Variants in GRIK4 observed in about 807,000 individuals in gnomAD.
GRIK4 encodes glutamate ionotropic receptor kainate type subunit 4, also known as glutamate receptor ionotropic, kainate 4.
A neutral mutation model predicts 104.9 loss-of-function variants in GRIK4; 40 were observed. The ratio of observed to expected loss-of-function variants is 0.38; its 90% CI spans 0.30 to 0.50. The LOEUF is 0.50. Ranked by LOEUF, GRIK4 falls within the 20% of genes least tolerant of loss-of-function variation. The pLI is 0.93. For synonymous variants in GRIK4, 485 were observed against 524.9 expected, an observed-to-expected ratio of 0.92 and a Z score of 1.04; for missense variants, 1,047 against 1,308.1, an observed-to-expected ratio of 0.80 and a Z score of 3.08.
At chr11:120,592,387 A>T (rs917349102) in intron 1 of GRIK4, among the ~76,000 whole-genome samples, 2 of 152,132 alleles carry the variant, frequency 1.3e-5, no homozygotes, top group African/African-American at 4.8e-5. Flanking sequence ...CCCCTACGTG[A>T]TTGTACCTGT....
chr11:120,968,954 G>A (rs114269081), intron 19 of GRIK4, among the ~76,000 whole-genome samples: 4,201 of 152,270 alleles, frequency 0.028, 208 homozygotes, highest in African/African-American at 0.096. Flanking sequence ...CCCTAGCACC[G>A]TGCTCTGCTG....
chr11:120,691,253 C>A (rs1364270547), intron 3 of GRIK4, among the ~76,000 whole-genome samples: 2 of 152,110 alleles, frequency 1.3e-5, no homozygotes, highest in African/African-American at 4.8e-5. Context: ...ACTCCTCAGG[C>A]CTGGGATGGA....
chr11:120,570,220 A>G (rs954015817), intron 1 of GRIK4, among the ~76,000 whole-genome samples: 2 of 152,216 alleles, frequency 1.3e-5, no homozygotes, highest in Admixed American at 6.5e-5. Flanking sequence ...GGGGATTTTA[A>G]AAAGCTATTG....
At chr11:120,585,344 T>C (rs1591714767) in intron 1 of GRIK4, among the ~76,000 whole-genome samples, 1 of 72,440 alleles carries the variant, frequency 1.4e-5, no homozygotes, top group Non-Finnish European at 4.6e-5. Flanking sequence ...TCTCTCTCTC[T>C]TTTTTTTTTT....
At chr11:120,972,879 G>C (rs528526760) in intron 19 of GRIK4, among the ~76,000 whole-genome samples, 7 of 152,142 alleles carry the variant, frequency 4.6e-5, no homozygotes, top group Non-Finnish European at 1.0e-4. Context: ...CCTTAGTGAA[G>C]TGGGGGACGT....
At chr11:120,853,357 G>A (rs375539048) in intron 8 of GRIK4, among the ~76,000 whole-genome samples, 2 of 152,286 alleles carry the variant, frequency 1.3e-5, no homozygotes. Context: ...GATCTCTCCA[G>A]CAATAACATG....
At chr11:120,890,774 G>C (rs913110113) in intron 11 of GRIK4, among the ~76,000 whole-genome samples, 1 of 152,174 alleles carries the variant, frequency 6.6e-6, no homozygotes, top group African/African-American at 2.4e-5. Flanking sequence ...CAGAATCAAG[G>C]AGATTTACGT....
At chr11:120,867,496 C>A (rs1048705700) in intron 9 of GRIK4, among the ~76,000 whole-genome samples, 8 of 152,142 alleles carry the variant, frequency 5.3e-5, no homozygotes, top group African/African-American at 1.9e-4. Context: ...GTTTCTCTCT[C>A]TCCACACGAT....
intron 13 of GRIK4, among the ~76,000 whole-genome samples, chr11:120,924,283 T>TCCC (rs1943291433): frequency 6.6e-6 from 1 of 152,132 alleles, no homozygotes; most frequent in Non-Finnish European, 1.5e-5. Flanking sequence ...CCCTTGCGTG[T>TCCC]GTGAGGTCAC....
At chr11:120,546,833 C>T (rs901342619) in intron 1 of GRIK4, among the ~76,000 whole-genome samples, 1 of 152,136 alleles carries the variant, frequency 6.6e-6, no homozygotes, top group African/African-American at 2.4e-5. Context: ...ACTTCAGGCC[C>T]AGAACTGGGC....
chr11:120,538,047 G>A (rs1947996681), intron 1 of GRIK4, among the ~76,000 whole-genome samples: 1 of 152,230 alleles, frequency 6.6e-6, no homozygotes, highest in African/African-American at 2.4e-5. Flanking sequence ...AAACAAAAGT[G>A]TGTCACAGCC....
chr11:120,551,465 C>G (rs1445719793), intron 1 of GRIK4, among the ~76,000 whole-genome samples: 5 of 152,140 alleles, frequency 3.3e-5, no homozygotes, highest in Admixed American at 3.3e-4. Flanking sequence ...CAGATCATAC[C>G]CTTTTTGTCC....
chr11:120,957,061 C>T (rs1232106870), intron 16 of GRIK4, 108 bp downstream of exon 16: 4 of 951,148 alleles, frequency 4.2e-6, no homozygotes, highest in Non-Finnish European at 4.5e-6. Context: ...CTGCCTCTTA[C>T]AGCAGACCCA....
chr11:120,857,899 C>A (rs1017014940), intron 8 of GRIK4, among the ~76,000 whole-genome samples: 2 of 152,232 alleles, frequency 1.3e-5, no homozygotes, highest in Non-Finnish European at 2.9e-5. Context: ...AACAATGCAA[C>A]ATGGGGTCCA....
At chr11:120,587,684 C>G (rs944023020) in intron 1 of GRIK4, among the ~76,000 whole-genome samples, 2 of 152,128 alleles carry the variant, frequency 1.3e-5, no homozygotes, top group Admixed American at 6.6e-5. Flanking sequence ...CATCCTAGAC[C>G]GTTTGCAAGG....
chr11:120,588,866 A>G (rs969366915), intron 1 of GRIK4, among the ~76,000 whole-genome samples: 4 of 152,158 alleles, frequency 2.6e-5, no homozygotes, highest in African/African-American at 9.7e-5. Flanking sequence ...TGGGTAGCCA[A>G]GGTGTCTCCA....
intron 9 of GRIK4, among the ~76,000 whole-genome samples, chr11:120,866,631 C>T (rs1954422303): frequency 6.6e-6 from 1 of 152,120 alleles, no homozygotes; most frequent in South Asian, 2.1e-4. Context: ...TTGGTGCTGC[C>T]GGCGGAGAAC....
At chr11:120,614,050 T>A (rs913938886) in intron 1 of GRIK4, among the ~76,000 whole-genome samples, 1 of 152,178 alleles carries the variant, frequency 6.6e-6, no homozygotes, top group Non-Finnish European at 1.5e-5. Context: ...CCTCTGCATA[T>A]GTAAGCTCAG....
At chr11:120,848,963 T>A (rs1239807886) in intron 8 of GRIK4, among the ~76,000 whole-genome samples, 1 of 152,140 alleles carries the variant, frequency 6.6e-6, no homozygotes, top group Non-Finnish European at 1.5e-5. Flanking sequence ...ACAGGGGATG[T>A]TGAGACCCTG....
Sources: allele counts gnomAD v4.1 joint callset (sites outside exome capture counted in the v4.1 genomes callset), GRCh38; gene constraint gnomAD v4.1.1; transcripts MANE v1.5; gene names NCBI Gene and HGNC (gene_info 2026-07-23, HGNC 2026-07-21).